Variants in INO80 observed in about 807,000 individuals in gnomAD.
INO80 encodes INO80 complex ATPase subunit, also known as chromatin-remodeling ATPase INO80.
Under a neutral mutation model 203.4 loss-of-function variants are expected in INO80, and 20 were observed. The ratio of observed to expected loss-of-function variants is 0.10; its 90% CI spans 0.07 to 0.14. The LOEUF is 0.14. INO80 is among the 10% of genes least tolerant of loss of function. The pLI is 1.00. For synonymous variants in INO80, 726 were observed against 685.2 expected (o/e 1.06, Z -0.93); for missense variants, 1,419 against 1,914.4 (o/e 0.74, Z 4.83).
intron 1 of INO80, among the ~76,000 whole-genome samples, chr15:41,112,649 G>A (rs1353747940): frequency 6.6e-6 from 1 of 151,586 alleles, no homozygotes; most frequent in Non-Finnish European, 1.5e-5. Flanking sequence ...TTAGCCAGGC[G>A]TGGTGGCATG....
intron 14 of INO80, among the ~76,000 whole-genome samples, chr15:41,063,820 A>G (rs113215844): frequency 2.6e-4 from 40 of 152,300 alleles, no homozygotes; most frequent in African/African-American, 9.4e-4. Flanking sequence ...TAAAAGGAAG[A>G]AAAAAAGCCA....
intron 6 of INO80, among the ~76,000 whole-genome samples, chr15:41,086,249 G>C (rs1018885083): frequency 6.6e-6 from 1 of 152,090 alleles, no homozygotes; most frequent in Non-Finnish European, 1.5e-5. Context: ...AAAAATACAT[G>C]AAACAAAACC....
Position 41,092,144 on chromosome 15 carries a change from A to C in INO80, c.420T>G (p.Ser140=), listed in dbSNP as rs773630374. ...CTTCTTCATCATCGTCTTCACTCTG[A>C]GAATCAGCCTCGCTGGATTCATCAC... ...LLSDESSEAD[S]QSEDDDEEEL... The change falls in exon 5 of 36, where the codon TCT becomes TCG. Residue 140 remains serine (S), a synonymous_variant. Coordinates refer to ENST00000648947, the MANE Select transcript of INO80 (RefSeq NM_017553.3). 6.2e-7 allele frequency: 1 copy of C among 1,609,742 alleles called. No individual in the cohort carries two copies. Among genetic ancestry groups the C allele is most frequent in the Non-Finnish European group, 8.5e-7 (1 of 1,176,452 alleles).
At chr15:41,023,397 C>G in intron 25 of INO80, 1 of 389,882 alleles carries the variant, frequency 2.6e-6, no homozygotes, top group Non-Finnish European at 5.2e-6. Context: ...AAAAGTAAGT[C>G]TAGACTATAG....
intron 5 of INO80, among the ~76,000 whole-genome samples, chr15:41,090,342 A>G (rs1447446209): frequency 6.6e-6 from 1 of 152,028 alleles, no homozygotes; most frequent in Non-Finnish European, 1.5e-5. Context: ...TTGGTAGGCT[A>G]AGGCGGGAGG....
chr15:40,983,995 A>G lies in INO80; in HGVS notation c.4078-74T>C, dbSNP rs1893931627. 92 of 1,538,304 alleles carry G rather than the reference A, an allele frequency of 6.0e-5. 1 individual carries two copies. In the Middle Eastern group the frequency reaches 8.7e-4, roughly 15 times the overall value. On this transcript the variant is annotated intron_variant, in intron 33 of 35. Coordinates refer to ENST00000648947, the MANE Select transcript of INO80 (RefSeq NM_017553.3). ...CATGGCCTTGCACCCAGCTAGGAAC[A>G]TGCTTCACAGTTGAGGCTGCTTTGG...
chr15:41,001,125 T>C (rs531965289), intron 28 of INO80, among the ~76,000 whole-genome samples: 323 of 152,322 alleles, frequency 2.1e-3, no homozygotes, highest in African/African-American at 7.5e-3. Flanking sequence ...TATAATAGTA[T>C]TGATAATGTG....
At chr15:41,050,157 G>T in intron 19 of INO80, 55 bp from the exon 20 acceptor site, 1 of 1,299,588 alleles carries the variant, frequency 7.7e-7, no homozygotes, top group Non-Finnish European at 1.1e-6. Flanking sequence ...AGAAAATTCA[G>T]CATCAGCTTA....
chr15:41,001,561 G>C (rs1458025930), intron 28 of INO80, among the ~76,000 whole-genome samples: 1 of 152,214 alleles, frequency 6.6e-6, no homozygotes, highest in Non-Finnish European at 1.5e-5. Flanking sequence ...ATAATGGGGA[G>C]AGGATCCATT....
Position 41,070,387 on chromosome 15 carries a change from G to A in INO80, c.1686+80C>T, listed in dbSNP as rs2045291141. On this transcript the variant is annotated intron_variant, in intron 13 of 35. Coordinates refer to ENST00000648947, the MANE Select transcript of INO80 (RefSeq NM_017553.3). ...TTGGAATGCTACACAGCTTAACATA[G>A]TGCTTTTAAGTGGCTGATTTTCAAC... 10 of 1,224,144 alleles carry A rather than the reference G, an allele frequency of 8.2e-6. No homozygotes were observed. The South Asian group carries it at 1.2e-4, about 15-fold the overall frequency. The allele number at this position is 1,224,144 out of a possible 1,614,324, so 75.8% of individuals were successfully genotyped here. A position where few individuals can be genotyped will look rare whatever the true frequency, so the allele number is the denominator to read the frequency against.
chr15:40,996,942 A>G (rs1442050488), intron 29 of INO80, among the ~76,000 whole-genome samples: 1 of 152,202 alleles, frequency 6.6e-6, no homozygotes, highest in Admixed American at 6.5e-5. Flanking sequence ...TATCAGACAC[A>G]TAGTAGGCAT....
intron 29 of INO80, among the ~76,000 whole-genome samples, chr15:40,988,279 T>C (rs1359948314): frequency 1.3e-5 from 2 of 152,202 alleles, no homozygotes; most frequent in East Asian, 3.8e-4. Flanking sequence ...TTACAGTGCA[T>C]TGTTCTAAGT....
intron 1 of INO80, among the ~76,000 whole-genome samples, chr15:41,110,691 A>G (rs147763035): frequency 7.1e-4 from 108 of 152,338 alleles, no homozygotes; most frequent in Non-Finnish European, 1.4e-3. Context: ...TTGGTCTCCC[A>G]AAGTGCTGAG....
chr15:41,065,454 A>C (rs1027769894), intron 14 of INO80, among the ~76,000 whole-genome samples: 1 of 152,124 alleles, frequency 6.6e-6, no homozygotes, highest in Admixed American at 6.6e-5. Context: ...AAAACAAAAA[A>C]CAAAAAAAAC....
intron 1 of INO80, among the ~76,000 whole-genome samples, chr15:41,104,064 C>A (rs997653689): frequency 6.6e-6 from 1 of 151,816 alleles, no homozygotes; most frequent in Non-Finnish European, 1.5e-5. Flanking sequence ...ACTAAAAATA[C>A]AACAAAGTTA....
intron 24 of INO80, among the ~76,000 whole-genome samples, chr15:41,031,741 TG>T (rs1323844623): frequency 6.6e-6 from 1 of 152,002 alleles, no homozygotes; most frequent in East Asian, 1.9e-4. Context: ...TGCTCTTGAA[TG>T]TCTCATTACC....
chr15:40,999,019 C>CACACACACACACAA, intron 28 of INO80, among the ~76,000 whole-genome samples: 1 of 150,636 alleles, frequency 6.6e-6, no homozygotes, highest in Non-Finnish European at 1.5e-5. Context: ...CACACACACA[C>CACACACACACACAA]AAATAAGGGC....
At position 41,021,120 on chromosome 15, in the gene INO80, G is replaced by C; in HGVS notation, c.3054C>G (p.Thr1018=). Residue 1018 remains threonine, a synonymous_variant, in exon 26 of 36, where the codon ACC becomes ACG. Coordinates refer to ENST00000648947, the MANE Select transcript of INO80 (RefSeq NM_017553.3). ...SFLCVASPRV[T]AVPLDSYCND... Reference sequence around the variant, plus strand: ...TGCAGTAAGAATCCAATGGCACTGCGGTAACCTGCAGTTAAAGATTCACAT... The same window carrying C: ...TGCAGTAAGAATCCAATGGCACTGCCGTAACCTGCAGTTAAAGATTCACAT... The C allele has an allele frequency of 1.9e-6, 3 of 1,609,170 alleles. No homozygotes were observed. Among genetic ancestry groups the C allele is most frequent in the Non-Finnish European group, 2.6e-6 (3 of 1,175,494 alleles).
At chr15:41,064,447 A>C (rs1414052822) in intron 14 of INO80, among the ~76,000 whole-genome samples, 1 of 152,210 alleles carries the variant, frequency 6.6e-6, no homozygotes, top group Non-Finnish European at 1.5e-5. Context: ...TGGTGTGATC[A>C]TAGCTCACTG....
Sources: allele counts gnomAD v4.1 joint callset (sites outside exome capture counted in the v4.1 genomes callset), GRCh38; gene constraint gnomAD v4.1.1; transcripts MANE v1.5; gene names NCBI Gene and HGNC (gene_info 2026-07-23, HGNC 2026-07-21).